The following CTNNA2 variants were observed in gnomAD, a reference collection of about 807,000 sequenced individuals.
CTNNA2 encodes catenin alpha-2.
CTNNA2 carries 42 observed loss-of-function variants against 101.0 expected under a neutral mutation model. That is an observed-to-expected ratio of 0.42 (90% CI 0.32 to 0.54). The LOEUF is 0.54. Among genes scored for constraint, CTNNA2 ranks in the 20% least tolerant of loss-of-function variants. The pLI is 0.14. For missense variants in CTNNA2, 871 were observed against 1,223.1 expected, an observed-to-expected ratio of 0.71 and a Z score of 4.29; for synonymous variants, 450 against 456.4, an observed-to-expected ratio of 0.99 and a Z score of 0.18.
At chr2:80,057,622 A>G (rs1697311987) in intron 7 of CTNNA2, among the ~76,000 whole-genome samples, 1 of 152,090 alleles carries the variant, frequency 6.6e-6, no homozygotes, top group African/African-American at 2.4e-5. Flanking sequence ...TAGGGAACAC[A>G]AGAATTTAAG....
intron 2 of CTNNA2, among the ~76,000 whole-genome samples, chr2:79,310,028 T>A (rs1676331183): frequency 6.6e-6 from 1 of 152,206 alleles, no homozygotes; most frequent in Non-Finnish European, 1.5e-5. Flanking sequence ...ATTGCCAGTA[T>A]AAAGATACTA....
rs117572390 is a variant in CTNNA2, at chr2:80,388,563, G to A, written c.1057-4648G>A. Among the ~76,000 whole-genome samples the A allele has an allele frequency of 1.2e-4, 19 of 152,186 alleles. No individual in the cohort carries two copies. In the East Asian group the frequency reaches 3.7e-3, roughly 29 times the overall value. ...TTCACGATTCCATAATTCATCCTTG[G>A]CCCTTTCATTCTACAGATGATAAGG... On this transcript the variant is annotated intron_variant, in intron 7 of 18. Coordinates refer to ENST00000402739, the MANE Select transcript of CTNNA2 (RefSeq NM_001282597.3).
chr2:80,235,018 G>A (rs935281146), intron 7 of CTNNA2, among the ~76,000 whole-genome samples: 2 of 152,000 alleles, frequency 1.3e-5, no homozygotes, highest in Non-Finnish European at 1.5e-5. Flanking sequence ...TATAAAATTT[G>A]CACTACATTC....
intron 3 of CTNNA2, among the ~76,000 whole-genome samples, chr2:79,798,852 C>A (rs888387657): frequency 2.0e-5 from 3 of 152,144 alleles, no homozygotes; most frequent in Non-Finnish European, 4.4e-5. Flanking sequence ...AGAGTGGTTT[C>A]ATTTGTTTTC....
chr2:79,663,518 A>C (rs10180354), intron 2 of CTNNA2, among the ~76,000 whole-genome samples: 83,415 of 151,904 alleles, frequency 0.55, 23,091 homozygotes, highest in East Asian at 0.75. Context: ...ATTTTTGTGC[A>C]TGCTGCTCTC....
At chr2:79,982,278 A>T (rs1402236523) in intron 7 of CTNNA2, among the ~76,000 whole-genome samples, 19 of 121,132 alleles carry the variant, frequency 1.6e-4, no homozygotes, top group Non-Finnish European at 2.5e-4. Flanking sequence ...CATATATATA[A>T]TATATATAAC....
At chr2:79,262,569 T>C (rs1674936935) in intron 2 of CTNNA2, among the ~76,000 whole-genome samples, 3 of 152,026 alleles carry the variant, frequency 2.0e-5, no homozygotes, top group African/African-American at 7.3e-5. Flanking sequence ...AGAGATAATC[T>C]CTAATTCAGC....
At chr2:79,201,270 A>G (rs902232635) in intron 2 of CTNNA2, among the ~76,000 whole-genome samples, 2 of 152,174 alleles carry the variant, frequency 1.3e-5, no homozygotes, top group African/African-American at 4.8e-5. Flanking sequence ...ACAAATGATC[A>G]CACAATTTAT....
chr2:79,693,515 G>T (rs1684458813), intron 2 of CTNNA2, among the ~76,000 whole-genome samples: 1 of 151,862 alleles, frequency 6.6e-6, no homozygotes, highest in South Asian at 2.1e-4. Context: ...GTATGTTTTT[G>T]TACTAATGGG....
At chr2:79,453,433 CAGG>C (rs1670778976) in intron 4 of CTNNA2, among the ~76,000 whole-genome samples, 1 of 152,036 alleles carries the variant, frequency 6.6e-6, no homozygotes, top group Non-Finnish European at 1.5e-5. Context: ...AATGTGTAAA[CAGG>C]AGCCATGAAA....
At chr2:79,220,186 ATGTG>A (rs757882159) in intron 2 of CTNNA2, among the ~76,000 whole-genome samples, 1 of 151,024 alleles carries the variant, frequency 6.6e-6, no homozygotes, top group African/African-American at 2.5e-5. Context: ...GTATATATAT[ATGTG>A]TGTGTGTGTG....
At chr2:80,419,650 T>G in intron 9 of CTNNA2, 49 bp downstream of exon 9, 1 of 1,574,434 alleles carries the variant, frequency 6.4e-7, no homozygotes, top group Non-Finnish European at 8.7e-7. Flanking sequence ...GGGTTCAATC[T>G]CTGCATATGG....
chr2:80,419,697 T>C, intron 9 of CTNNA2, 96 bp downstream of exon 9: 2 of 1,311,038 alleles, frequency 1.5e-6, no homozygotes, highest in Non-Finnish European at 2.1e-6. Flanking sequence ...TCTATTGTAT[T>C]TTTGGAGAAA....
At chr2:79,995,660 T>G (rs916780240) in intron 7 of CTNNA2, among the ~76,000 whole-genome samples, 2 of 151,970 alleles carry the variant, frequency 1.3e-5, no homozygotes, top group African/African-American at 2.4e-5. Context: ...AAAATAGTTT[T>G]AAAAATAGCC....
intron 2 of CTNNA2, among the ~76,000 whole-genome samples, chr2:79,312,371 T>C (rs906783022): frequency 2.6e-5 from 4 of 152,258 alleles, no homozygotes; most frequent in African/African-American, 9.6e-5. Flanking sequence ...CTTTCATTCA[T>C]ATGTAAAATC....
At chr2:80,065,683 G>A (rs980055956) in intron 7 of CTNNA2, among the ~76,000 whole-genome samples, 2 of 151,992 alleles carry the variant, frequency 1.3e-5, no homozygotes, top group African/African-American at 4.8e-5. Context: ...GTTTGCCTTC[G>A]TTCCATAAAT....
intron 2 of CTNNA2, among the ~76,000 whole-genome samples, chr2:79,266,442 A>G (rs980265535): frequency 3.9e-5 from 6 of 152,204 alleles, no homozygotes; most frequent in Non-Finnish European, 8.8e-5. Flanking sequence ...TTCCTCATAC[A>G]TCTCAATTCC....
chr2:80,190,668 T>A (rs1014247562), intron 7 of CTNNA2, among the ~76,000 whole-genome samples: 11 of 152,210 alleles, frequency 7.2e-5, no homozygotes, highest in African/African-American at 2.4e-4. Context: ...TACCCTTCTA[T>A]GTGGCCCCTT....
At chr2:79,438,339 G>T (rs916852453) in intron 4 of CTNNA2, among the ~76,000 whole-genome samples, 1 of 152,162 alleles carries the variant, frequency 6.6e-6, no homozygotes, top group African/African-American at 2.4e-5. Flanking sequence ...CACCTGGAAC[G>T]CACAAAGCCC....
Sources: gnomAD v4.1 joint callset for allele counts (sites outside exome capture counted in the v4.1 genomes callset) on GRCh38, gnomAD v4.1.1 for gene constraint, MANE v1.5 for transcripts, NCBI Gene and HGNC (gene_info 2026-07-23, HGNC 2026-07-21) for gene names.